Variants in ATP9A observed in about 807,000 individuals in gnomAD.
ATP9A encodes ATPase phospholipid transporting 9A.
In ATP9A, 52 loss-of-function variants were observed where a neutral mutation model predicts 144.1. The ratio of observed to expected loss-of-function variants is 0.36; its 90% confidence interval spans 0.29 to 0.45. ATP9A has a LOEUF of 0.45. ATP9A is among the 20% of genes least tolerant of loss of function. The pLI is 1.00. For missense variants in ATP9A, 947 were observed against 1,392.7 expected (o/e 0.68, Z 5.09); for synonymous variants, 582 against 557.4 (o/e 1.04, Z -0.62).
intron 5 of ATP9A, among the ~76,000 whole-genome samples, chr20:51,696,782 A>G (rs1333244030): frequency 6.6e-6 from 1 of 152,208 alleles, no homozygotes; most frequent in Admixed American, 6.5e-5. Flanking sequence ...AGCATAGCTC[A>G]ATTTCTACAG....
intron 14 of ATP9A, among the ~76,000 whole-genome samples, chr20:51,654,238 C>T (rs2077378364): frequency 6.6e-6 from 1 of 152,124 alleles, no homozygotes; most frequent in East Asian, 1.9e-4. Flanking sequence ...TCCACAAACA[C>T]CCTGCAGGCT....
At chr20:51,608,009 A>T (rs563517166) in intron 25 of ATP9A, among the ~76,000 whole-genome samples, 1 of 149,492 alleles carries the variant, frequency 6.7e-6, no homozygotes, top group East Asian at 2.0e-4. Context: ...GAGCCACTAC[A>T]CTCCAGCGTG....
intron 13 of ATP9A, 54 bp downstream of exon 13, chr20:51,669,943 G>GT (rs1333571285): frequency 1.1e-5 from 11 of 1,038,398 alleles, no homozygotes; most frequent in Non-Finnish European, 1.4e-5. Flanking sequence ...CAATATAGCT[G>GT]TTAAAAAAAA....
At chr20:51,738,051 CAG>C (rs1206646617) in intron 1 of ATP9A, among the ~76,000 whole-genome samples, 1 of 145,980 alleles carries the variant, frequency 6.9e-6, no homozygotes, top group East Asian at 2.0e-4. Flanking sequence ...TTTTTTGAGA[CAG>C]AGTCTCTCTC....
intron 4 of ATP9A, among the ~76,000 whole-genome samples, chr20:51,704,986 T>A (rs1347265942): frequency 1.3e-5 from 2 of 152,172 alleles, no homozygotes; most frequent in African/African-American, 4.8e-5. Flanking sequence ...GCAGTTTTGC[T>A]GCAGTAACAT....
chr20:51,678,928 G>A (rs528421437), intron 9 of ATP9A, among the ~76,000 whole-genome samples: 1 of 152,252 alleles, frequency 6.6e-6, no homozygotes, highest in Non-Finnish European at 1.5e-5. Flanking sequence ...ACCACCAACC[G>A]GAGAGGACGC....
At chr20:51,640,993 C>A (rs1000128085) in intron 14 of ATP9A, among the ~76,000 whole-genome samples, 4 of 152,038 alleles carry the variant, frequency 2.6e-5, no homozygotes, top group African/African-American at 9.7e-5. Context: ...GGGAGGTTGA[C>A]GCAGGAGGAT....
At chr20:51,623,584 C>A (rs557773550) in intron 18 of ATP9A, among the ~76,000 whole-genome samples, 1 of 152,144 alleles carries the variant, frequency 6.6e-6, no homozygotes, top group South Asian at 2.1e-4. Flanking sequence ...AGTTCGAGAC[C>A]AGCCTGACCA....
chr20:51,707,138 T>A (rs1010649230), intron 4 of ATP9A, among the ~76,000 whole-genome samples: 8 of 152,170 alleles, frequency 5.3e-5, no homozygotes, highest in African/African-American at 1.9e-4. Flanking sequence ...GCCATCTGGG[T>A]CCTGGCCTGA....
chr20:51,608,828 G>A (rs757441251), intron 24 of ATP9A, among the ~76,000 whole-genome samples: 7 of 152,072 alleles, frequency 4.6e-5, no homozygotes, highest in East Asian at 1.9e-4. Context: ...CTTTCATCCC[G>A]GTCAGCGAGT....
At chr20:51,711,329 T>TA (rs2077637539) in intron 4 of ATP9A, among the ~76,000 whole-genome samples, 1 of 152,206 alleles carries the variant, frequency 6.6e-6, no homozygotes, top group South Asian at 2.1e-4. Flanking sequence ...CATTTTTTTT[T>TA]AGCCCAAAAC....
chr20:51,686,562 AG>A (rs2077524045), intron 9 of ATP9A, among the ~76,000 whole-genome samples: 1 of 152,224 alleles, frequency 6.6e-6, no homozygotes, highest in Admixed American at 6.5e-5. Context: ...AGAACCACAA[AG>A]GAAAGTAGAT....
At chr20:51,618,851 G>T (rs529443584) in intron 20 of ATP9A, 45 bp from the exon 21 acceptor site, 2 of 1,580,314 alleles carry the variant, frequency 1.3e-6, no homozygotes, top group Middle Eastern at 1.7e-4. Flanking sequence ...AGGGAGAGGT[G>T]GTGCGTTGGT....
At chr20:51,730,305 A>G (rs998450141) in intron 1 of ATP9A, among the ~76,000 whole-genome samples, 1 of 152,026 alleles carries the variant, frequency 6.6e-6, no homozygotes, top group East Asian at 1.9e-4. Flanking sequence ...CGTCTGTACT[A>G]AAAAATACAA....
At chr20:51,604,433 C>T (rs1295332356) in intron 27 of ATP9A, among the ~76,000 whole-genome samples, 1 of 152,180 alleles carries the variant, frequency 6.6e-6, no homozygotes, top group African/African-American at 2.4e-5. Flanking sequence ...TGGGGCTCGG[C>T]ACCTCCCAGC....
intron 1 of ATP9A, among the ~76,000 whole-genome samples, chr20:51,747,438 A>G (rs1422541018): frequency 6.6e-6 from 1 of 152,198 alleles, no homozygotes; most frequent in Non-Finnish European, 1.5e-5. Flanking sequence ...TGTGCAATGG[A>G]TTTGTACCAA....
intron 1 of ATP9A, among the ~76,000 whole-genome samples, chr20:51,755,685 C>T (rs894825321): frequency 6.6e-6 from 1 of 150,882 alleles, no homozygotes; most frequent in South Asian, 2.1e-4. Flanking sequence ...TCATAGCAGC[C>T]GGGCGCGGTG....
intron 14 of ATP9A, among the ~76,000 whole-genome samples, chr20:51,650,621 A>C (rs2077360095): frequency 6.6e-6 from 1 of 152,192 alleles, no homozygotes; most frequent in East Asian, 1.9e-4. Flanking sequence ...TATCTCTGCA[A>C]GTATACTCAG....
intron 3 of ATP9A, among the ~76,000 whole-genome samples, chr20:51,715,267 T>C (rs991554814): frequency 2.6e-5 from 4 of 152,132 alleles, no homozygotes; most frequent in Admixed American, 6.6e-5. Flanking sequence ...AATCAAAGGA[T>C]TACTCCTGTT....
Sources: allele counts gnomAD v4.1 joint callset (sites outside exome capture counted in the v4.1 genomes callset), GRCh38; gene constraint gnomAD v4.1.1; transcripts MANE v1.5; gene names NCBI Gene and HGNC (gene_info 2026-07-23, HGNC 2026-07-21).